Variants in PRLR observed in about 807,000 individuals in gnomAD.
The protein encoded by PRLR is prolactin receptor, also known as hPRL receptor.
Under a neutral mutation model 40.2 loss-of-function variants are expected in PRLR, and 13 were observed. The observed-to-expected ratio is 0.32, with a 90% CI of 0.21 to 0.51. The LOEUF is 0.51. Among genes scored for constraint, PRLR ranks in the 20% least tolerant of loss-of-function variants. PRLR has a pLI of 0.97. For missense variants in PRLR, 656 were observed against 747.3 expected (o/e 0.88, Z 1.42); for synonymous variants, 269 against 278.7 (o/e 0.97, Z 0.35).
chr5:35,098,453 T>C (rs990913670), intron 2 of PRLR, among the ~76,000 whole-genome samples: 1 of 152,152 alleles, frequency 6.6e-6, no homozygotes, highest in African/African-American at 2.4e-5. Context: ...GCCACAGAGA[T>C]GTCACGGTTG....
intron 2 of PRLR, among the ~76,000 whole-genome samples, chr5:35,092,087 C>T (rs1771248820): frequency 6.6e-6 from 1 of 152,110 alleles, no homozygotes; most frequent in Non-Finnish European, 1.5e-5. Context: ...TAGATATTGT[C>T]ATCTGCTTAC....
At position 35,089,541 on chromosome 5, in the gene PRLR, TCTTA is replaced by T. The variant is rs757921134; in HGVS notation, c.70+6_70+9del. 3 of 1,591,168 alleles carry T rather than the reference TCTTA, an allele frequency of 1.9e-6. No homozygotes were observed. The highest frequency in any genetic ancestry group is 2.2e-5 in the East Asian group (1 of 44,754). On this transcript the variant is annotated splice_donor_region_variant and intron_variant, in intron 3 of 9. Coordinates refer to ENST00000618457, the MANE Select transcript of PRLR (RefSeq NM_000949.7). ...GGCAATGAAAGAGAGCGTGATAGCCTCTTACTTACCATTCAGAAGGCAGGTGTTG... is the reference window on the plus strand; with the variant it reads ...GGCAATGAAAGAGAGCGTGATAGCCTCTTACCATTCAGAAGGCAGGTGTTG...
At position 35,150,571 on chromosome 5, in the gene PRLR, G is replaced by A. The variant is rs182132315; in HGVS notation, c.-105-32449C>T. On this transcript the variant is annotated intron_variant, in intron 1 of 9. Coordinates refer to ENST00000618457, the MANE Select transcript of PRLR (RefSeq NM_000949.7). Reference sequence around the variant, plus strand: ...AGACAGTTAATTGCCATGCAGTATTGAATTAAACCATCTACATTTTCTGGA... The same window carrying A: ...AGACAGTTAATTGCCATGCAGTATTAAATTAAACCATCTACATTTTCTGGA... 4.0e-3 allele frequency among the ~76,000 whole-genome samples: 616 copies of A among 152,208 alleles called. 4 individuals are homozygous for A. Among genetic ancestry groups the A allele is most frequent in the African/African-American group, 0.014 (591 of 41,510 alleles).
At chr5:35,178,230 C>T (rs1356304297) in intron 1 of PRLR, among the ~76,000 whole-genome samples, 3 of 152,122 alleles carry the variant, frequency 2.0e-5, no homozygotes, top group African/African-American at 4.8e-5. Context: ...GCAAACTAGG[C>T]CTTCAGGAAA....
intron 2 of PRLR, among the ~76,000 whole-genome samples, chr5:35,096,178 C>T (rs539502123): frequency 3.7e-4 from 56 of 152,310 alleles, no homozygotes; most frequent in Non-Finnish European, 6.9e-4. Context: ...TACTCCAATA[C>T]GATATATGTG....
intron 1 of PRLR, among the ~76,000 whole-genome samples, chr5:35,153,687 C>T (rs1323005333): frequency 6.7e-6 from 1 of 150,152 alleles, no homozygotes; most frequent in East Asian, 2.0e-4. Context: ...ATTTCTTGCT[C>T]ATTGCTCTGC....
rs1769250107 is a variant in PRLR at position 35,064,824 on chromosome 5, A to G, written c.*265T>C. ...CCTATTGGCATTGTCCCTCAAGAAT[A>G]CTAAGCAGTGTGCTTTTATTTCATT... On this transcript the variant is annotated 3_prime_UTR_variant, in exon 10 of 10. Transcript: ENST00000618457. 4.5e-6 allele frequency: 2 copies of G among 441,954 alleles called. No individual in the cohort carries two copies. Among genetic ancestry groups the G allele is most frequent in the Non-Finnish European group, 8.0e-6 (2 of 248,578 alleles). The allele number at this position is 441,954 out of a possible 1,614,324, so 27.4% of individuals were successfully genotyped here.
At chr5:35,105,094 T>C (rs1279067741) in intron 2 of PRLR, among the ~76,000 whole-genome samples, 1 of 152,216 alleles carries the variant, frequency 6.6e-6, no homozygotes, top group African/African-American at 2.4e-5. Context: ...CTGCTGGTGA[T>C]ACTCAGGCAA....
Position 35,068,108 on chromosome 5 carries a change from G to C in PRLR, c.855+108C>G, listed in dbSNP as rs115137276. On this transcript the variant is annotated intron_variant, in intron 9 of 9. Coordinates refer to ENST00000618457, the MANE Select transcript of PRLR (RefSeq NM_000949.7). ...TGACCAGGAGAGACAGTCCAAAAAG[G>C]CTGGCTGAAACTACCAGGCTGAACT... The C allele has an allele frequency of 2.1e-4, 211 of 1,027,574 alleles. No individual in the cohort carries two copies. The African/African-American group carries it at 2.9e-3, about 14-fold the overall frequency. The allele number at this position is 1,027,574 out of a possible 1,614,324, so 63.7% of individuals were successfully genotyped here.
At chr5:35,205,684 A>G (rs72734581) in intron 1 of PRLR, among the ~76,000 whole-genome samples, 14,645 of 152,206 alleles carry the variant, frequency 0.096, 918 homozygotes, top group Non-Finnish European at 0.13. Context: ...CTAAAGAAGA[A>G]CATACCAAAG....
intron 1 of PRLR, among the ~76,000 whole-genome samples, chr5:35,166,105 A>G (rs1774818772): frequency 6.6e-6 from 1 of 152,214 alleles, no homozygotes; most frequent in Admixed American, 6.5e-5. Flanking sequence ...TGTTGAGGCC[A>G]AGGTTTGAGA....
At chr5:35,230,232 C>T (rs915689210) in intron 1 of PRLR, 36 bp downstream of exon 1, 2 of 152,252 alleles carry the variant, frequency 1.3e-5, no homozygotes, top group Non-Finnish European at 2.9e-5. Flanking sequence ...TGCCGCGCGC[C>T]GTCGGAGGCG....
chr5:35,099,528 C>A (rs1414470639), intron 2 of PRLR, among the ~76,000 whole-genome samples: 4 of 152,112 alleles, frequency 2.6e-5, no homozygotes, highest in Non-Finnish European at 5.9e-5. Flanking sequence ...TTACAGTGTA[C>A]TCCTTCTACT....
chr5:35,084,396 A>T, intron 5 of PRLR, 74 bp downstream of exon 5: 1 of 1,387,652 alleles, frequency 7.2e-7, no homozygotes, highest in Non-Finnish European at 9.6e-7. Context: ...ACCCAAGAAG[A>T]CTCAAACTGA....
At chr5:35,197,755 A>C (rs1775775400) in intron 1 of PRLR, among the ~76,000 whole-genome samples, 1 of 152,256 alleles carries the variant, frequency 6.6e-6, no homozygotes, top group Admixed American at 6.5e-5. Flanking sequence ...ACTGCTGCTC[A>C]GATCATGCAC....
intron 1 of PRLR, among the ~76,000 whole-genome samples, chr5:35,137,011 A>G (rs1773879605): frequency 6.6e-6 from 1 of 152,136 alleles, no homozygotes. Context: ...GCAGATGAGT[A>G]GAAGGAGACA....
chr5:35,049,633 C>G (rs1432401885), intron 8 of PRLR, among the ~76,000 whole-genome samples: 3 of 152,186 alleles, frequency 2.0e-5, no homozygotes, highest in Non-Finnish European at 2.9e-5. Flanking sequence ...AAATCTTTCT[C>G]TACATGTGTC....
chr5:35,106,051 AAG>A (rs1772225703), intron 2 of PRLR, among the ~76,000 whole-genome samples: 1 of 152,266 alleles, frequency 6.6e-6, no homozygotes, highest in South Asian at 2.1e-4. Context: ...TGCAAGCCAG[AAG>A]AGAGTGGGGG....
intron 1 of PRLR, among the ~76,000 whole-genome samples, chr5:35,196,510 G>C (rs1775740866): frequency 6.6e-6 from 1 of 152,228 alleles, no homozygotes; most frequent in Non-Finnish European, 1.5e-5. Flanking sequence ...TCAGCCAGGG[G>C]ATTAGGAGGA....
Sources: allele counts gnomAD v4.1 joint callset (sites outside exome capture counted in the v4.1 genomes callset), GRCh38; gene constraint gnomAD v4.1.1; transcripts MANE v1.5; gene names NCBI Gene and HGNC (gene_info 2026-07-23, HGNC 2026-07-21).